Variants in SUSD6 observed in about 807,000 individuals in gnomAD.
The protein encoded by SUSD6 is sushi domain containing 6.
Under a neutral mutation model 28.4 loss-of-function variants are expected in SUSD6, and 16 were observed. That is an observed-to-expected ratio of 0.56 (90% CI 0.38 to 0.86). The LOEUF is 0.86. Among genes scored for constraint, SUSD6 ranks in the 40% least tolerant of loss-of-function variants. The pLI is 0.00. For synonymous variants in SUSD6, 147 were observed against 159.6 expected, an observed-to-expected ratio of 0.92 and a Z score of 0.59; for missense variants, 341 against 384.2, an observed-to-expected ratio of 0.89 and a Z score of 0.94.
intron 2 of SUSD6, among the ~76,000 whole-genome samples, chr14:69,677,155 C>T (rs1356075488): frequency 6.6e-6 from 1 of 152,224 alleles, no homozygotes; most frequent in African/African-American, 2.4e-5. Context: ...GCACCTGGGT[C>T]AGTCTGTCTG....
intron 2 of SUSD6, among the ~76,000 whole-genome samples, chr14:69,689,113 G>A (rs536044649): frequency 3.3e-5 from 5 of 152,088 alleles, no homozygotes; most frequent in East Asian, 1.9e-4. Flanking sequence ...CCTTTATCCC[G>A]TACTCATGAT....
chr14:69,693,513 T>TCTGC (rs1305585659), intron 2 of SUSD6, among the ~76,000 whole-genome samples: 6 of 152,338 alleles, frequency 3.9e-5, no homozygotes, highest in African/African-American at 1.4e-4. Flanking sequence ...TGCTCTGTTT[T>TCTGC]CTGCCTGCCC....
At chr14:69,623,921 TAAA>T (rs1012172293) in intron 1 of SUSD6, among the ~76,000 whole-genome samples, 1 of 152,162 alleles carries the variant, frequency 6.6e-6, no homozygotes, top group African/African-American at 2.4e-5. Context: ...GTTTATAAAG[TAAA>T]AAAGTCACAG....
intron 1 of SUSD6, among the ~76,000 whole-genome samples, chr14:69,641,287 T>C (rs926448443): frequency 2.0e-5 from 3 of 152,204 alleles, no homozygotes; most frequent in Non-Finnish European, 4.4e-5. Flanking sequence ...TTGTATCTGT[T>C]TGTGCATAAT....
At chr14:69,630,306 G>A (rs1224132716) in intron 1 of SUSD6, among the ~76,000 whole-genome samples, 2 of 152,314 alleles carry the variant, frequency 1.3e-5, no homozygotes, top group South Asian at 2.1e-4. Context: ...AAGTCAGGGA[G>A]TAGAGGTGGT....
At chr14:69,650,399 C>T (rs1460320762) in intron 1 of SUSD6, among the ~76,000 whole-genome samples, 2 of 152,134 alleles carry the variant, frequency 1.3e-5, no homozygotes, top group South Asian at 2.1e-4. Context: ...CTAGACCACC[C>T]AATTGCCCTA....
chr14:69,663,294 G>C (rs574464750), intron 2 of SUSD6, among the ~76,000 whole-genome samples: 2 of 152,302 alleles, frequency 1.3e-5, no homozygotes, highest in South Asian at 4.1e-4. Context: ...ATGTTGCCAT[G>C]ACATGTTAGG....
chr14:69,712,747 G>A lies in SUSD6; in HGVS notation c.*1768G>A, dbSNP rs2139650962. The A allele has an allele frequency of 6.6e-6, 1 of 152,652 alleles. No homozygotes were observed. Among genetic ancestry groups the A allele is most frequent in the East Asian group, 1.9e-4 (1 of 5,190 alleles). The allele number at this position is 152,652 out of a possible 1,614,324, so 9.5% of individuals were successfully genotyped here. On this transcript the variant is annotated 3_prime_UTR_variant, in exon 6 of 6. Coordinates refer to ENST00000342745, the MANE Select transcript of SUSD6 (RefSeq NM_014734.4). ...ATTCCCTGGCCTCTTGCTGCCACTT[G>A]TAGTCTTCCTTCCTTCCTCTCAGGG...
intron 1 of SUSD6, among the ~76,000 whole-genome samples, chr14:69,647,916 C>G (rs1269889078): frequency 6.6e-6 from 1 of 151,998 alleles, no homozygotes; most frequent in Non-Finnish European, 1.5e-5. Flanking sequence ...ACCCGAGAGG[C>G]AGAGGTTGCC....
At chr14:69,631,898 T>C (rs1885200339) in intron 1 of SUSD6, among the ~76,000 whole-genome samples, 1 of 152,204 alleles carries the variant, frequency 6.6e-6, no homozygotes, top group African/African-American at 2.4e-5. Flanking sequence ...ATGACTGTTC[T>C]AGGGTGGTCA....
At chr14:69,663,225 G>A (rs1885688420) in intron 2 of SUSD6, among the ~76,000 whole-genome samples, 1 of 152,160 alleles carries the variant, frequency 6.6e-6, no homozygotes, top group African/African-American at 2.4e-5. Flanking sequence ...TTTCTTTCCT[G>A]AGCTTATTTA....
At chr14:69,646,376 T>C (rs1885425994) in intron 1 of SUSD6, among the ~76,000 whole-genome samples, 1 of 152,192 alleles carries the variant, frequency 6.6e-6, no homozygotes, top group Non-Finnish European at 1.5e-5. Context: ...CAACCTGTCC[T>C]CTTTCCTAGG....
intron 1 of SUSD6, among the ~76,000 whole-genome samples, chr14:69,643,280 T>G (rs1412059796): frequency 6.6e-6 from 1 of 152,234 alleles, no homozygotes; most frequent in Non-Finnish European, 1.5e-5. Context: ...ACCTTGGATG[T>G]CTTTTCCTTC....
At chr14:69,666,967 A>G (rs890093811) in intron 2 of SUSD6, among the ~76,000 whole-genome samples, 2 of 152,172 alleles carry the variant, frequency 1.3e-5, no homozygotes, top group Non-Finnish European at 2.9e-5. Context: ...AACAAGTGAC[A>G]CTCTATGAAA....
At chr14:69,614,684 G>C (rs1490186987) in intron 1 of SUSD6, among the ~76,000 whole-genome samples, 1 of 152,034 alleles carries the variant, frequency 6.6e-6, no homozygotes, top group Non-Finnish European at 1.5e-5. Context: ...TCATTTGTAG[G>C]CTGGGAGAAA....
chr14:69,648,405 A>G (rs1885458319), intron 1 of SUSD6, among the ~76,000 whole-genome samples: 2 of 152,172 alleles, frequency 1.3e-5, no homozygotes, highest in Admixed American at 1.3e-4. Flanking sequence ...TCAGTTGAGC[A>G]CCTATTTTTT....
intron 1 of SUSD6, among the ~76,000 whole-genome samples, chr14:69,613,867 A>G (rs2139586409): frequency 6.6e-6 from 1 of 152,322 alleles, no homozygotes; most frequent in East Asian, 1.9e-4. Context: ...AAACCCTGAG[A>G]GCAAACCCAC....
chr14:69,710,827 G>T, intron 5 of SUSD6, 127 bp from the exon 6 acceptor site: 2 of 857,718 alleles, frequency 2.3e-6, no homozygotes, highest in Non-Finnish European at 3.9e-6. Flanking sequence ...AGAAGTGTAT[G>T]AGTGGGACAT....
chr14:69,664,135 C>A (rs1014838325), intron 2 of SUSD6, among the ~76,000 whole-genome samples: 2 of 152,110 alleles, frequency 1.3e-5, no homozygotes, highest in Admixed American at 6.5e-5. Flanking sequence ...CCCGCCACCA[C>A]GCCCAGCTAA....
Sources: allele counts gnomAD v4.1 joint callset (sites outside exome capture counted in the v4.1 genomes callset), GRCh38; gene constraint gnomAD v4.1.1; transcripts MANE v1.5; gene names NCBI Gene and HGNC (gene_info 2026-07-23, HGNC 2026-07-21).